SNTG2: variants seen among roughly 807,000 people sequenced by gnomAD.
SNTG2 encodes gamma-2-syntrophin.
Under a neutral mutation model 70.9 loss-of-function variants are expected in SNTG2, and 74 were observed. The observed-to-expected ratio is 1.04, with a 90% confidence interval of 0.86 to 1.27. The LOEUF (loss-of-function observed/expected upper bound fraction) is 1.27. SNTG2 is among the 50% of genes most tolerant of loss of function. The pLI is 0.00. For missense variants in SNTG2, 717 were observed against 690.7 expected (o/e 1.04, Z -0.43); for synonymous variants, 278 against 273.8 (o/e 1.02, Z -0.15).
rs1678381810 is a variant in SNTG2 at position 1,260,940 on chromosome 2, T to TC, written c.1077+1499_1077+1500insC. The stretch of plus-strand genomic sequence containing the variant: ...GTGTCTTTGAGAGATTATTGTATCT[T>TC]ACATATGTGGTTCATTAGTAAGCTA... On this transcript the variant is annotated intron_variant, in intron 13 of 16. Coordinates refer to ENST00000308624, the MANE Select transcript of SNTG2 (RefSeq NM_018968.4). Among the ~76,000 whole-genome samples, 3 of 152,186 alleles carry TC rather than the reference T, an allele frequency of 2.0e-5. No individual in the cohort carries two copies. In the South Asian group the frequency reaches 6.2e-4, roughly 31 times the overall value.
chr2:1,248,339 A>G (rs1240454325), intron 12 of SNTG2, among the ~76,000 whole-genome samples: 1 of 152,218 alleles, frequency 6.6e-6, no homozygotes, highest in Non-Finnish European at 1.5e-5. Context: ...TTACGTGGCC[A>G]TGGAGCATCT....
intron 1 of SNTG2, among the ~76,000 whole-genome samples, chr2:996,673 G>GTTTTTGTTTTTTTTTTTTTT (rs1661690738): frequency 2.8e-5 from 1 of 35,114 alleles, no homozygotes; most frequent in African/African-American, 1.3e-4. Flanking sequence ...GAGTTACCCA[G>GTTTTTGTTTTTTTTTTTTTT]TTTTTTTTTT....
At chr2:1,122,804 G>A (rs28838311) in intron 4 of SNTG2, among the ~76,000 whole-genome samples, 1 of 149,796 alleles carries the variant, frequency 6.7e-6, no homozygotes, top group South Asian at 2.1e-4. Context: ...GATTCTATTT[G>A]TAAAAACCCC....
intron 6 of SNTG2, among the ~76,000 whole-genome samples, chr2:1,143,162 C>T (rs1016485581): frequency 6.6e-6 from 1 of 151,894 alleles, no homozygotes; most frequent in African/African-American, 2.4e-5. Flanking sequence ...CTCATTCCCA[C>T]TCTTTGCCCA....
At chr2:1,165,683 T>C (rs761826372) in intron 7 of SNTG2, 48 bp downstream of exon 7, 1 of 1,477,864 alleles carries the variant, frequency 6.8e-7, no homozygotes, top group Non-Finnish European at 9.4e-7. Flanking sequence ...AATTCCTTTC[T>C]TGCCACATTA....
At chr2:1,087,794 C>T (rs1263868648) in intron 2 of SNTG2, among the ~76,000 whole-genome samples, 1 of 152,144 alleles carries the variant, frequency 6.6e-6, no homozygotes, top group African/African-American at 2.4e-5. Flanking sequence ...TGTATTGCTT[C>T]TATAACAACC....
Position 1,097,252 on chromosome 2 carries a change from C to T in SNTG2, c.211-944C>T, listed in dbSNP as rs1038637159. ...AGCCTCCCTGCATCTGCACCTGCAC[C>T]GCTGGCCGGGGCGGGAGCTCCCAGG... On this transcript the variant is annotated intron_variant, in intron 2 of 16. Transcript: ENST00000308624. This position sits in a 1 kb window ranked among gnomAD's most constrained non-coding sequence, Gnocchi z 4.1. Among the ~76,000 whole-genome samples the T allele has an allele frequency of 6.6e-6, 1 of 152,206 alleles. No homozygotes were observed. Among genetic ancestry groups the T allele is most frequent in the Non-Finnish European group, 1.5e-5 (1 of 68,044 alleles).
intron 9 of SNTG2, among the ~76,000 whole-genome samples, chr2:1,217,743 C>G (rs768262265): frequency 2.9e-4 from 44 of 152,132 alleles, no homozygotes; most frequent in Non-Finnish European, 5.1e-4. Flanking sequence ...AGACATTTCT[C>G]TGACATCAGG....
chr2:991,372 TACACACACACACACACACAC>T (rs61002101), intron 1 of SNTG2, among the ~76,000 whole-genome samples: 1 of 140,264 alleles, frequency 7.1e-6, no homozygotes, highest in African/African-American at 2.6e-5. Flanking sequence ...TCTGTAATAT[TACACACACACACACACACAC>T]ACACACACAC....
intron 4 of SNTG2, among the ~76,000 whole-genome samples, chr2:1,133,062 A>G (rs1572522559): frequency 6.6e-6 from 1 of 152,326 alleles, no homozygotes; most frequent in Non-Finnish European, 1.5e-5. Context: ...TCTGAGGCCC[A>G]GAATTTTCAC....
In SNTG2 at chr2:1,308,619, A is replaced by G. The variant is rs1285594650; in HGVS notation, c.1377+33A>G. 5.3e-6 allele frequency: 8 copies of G among 1,512,470 alleles called. No individual in the cohort carries two copies. The African/African-American group carries it at 9.7e-5, about 18-fold the overall frequency. 93.7% of individuals were successfully genotyped at this position (1,512,470 alleles called of 1,614,324 possible). A position where few individuals can be genotyped will look rare whatever the true frequency, so the allele number is the denominator to read the frequency against. On this transcript the variant is annotated intron_variant, in intron 15 of 16. Coordinates refer to ENST00000308624, the MANE Select transcript of SNTG2 (RefSeq NM_018968.4). ...GCCAAGCAGGCATCCATGCCGCCCC[A>G]TTGCCATGTGCTTGGTTACATTCCA...
intron 6 of SNTG2, chr2:1,160,463 T>C (rs28459887): frequency 0.77 from 116,555 of 152,112 alleles, 45,712 homozygotes; most frequent in Non-Finnish European, 0.86. Context: ...GTGTGTAGAA[T>C]CATGTGTTGT....
At chr2:1,277,278 G>A (rs1261088641) in intron 14 of SNTG2, among the ~76,000 whole-genome samples, 3 of 152,174 alleles carry the variant, frequency 2.0e-5, no homozygotes, top group East Asian at 1.9e-4. Flanking sequence ...AGAGTAAATC[G>A]ATGAGGCAGA....
At chr2:1,265,611 T>G (rs945896981) in intron 13 of SNTG2, among the ~76,000 whole-genome samples, 2 of 152,202 alleles carry the variant, frequency 1.3e-5, no homozygotes, top group Admixed American at 6.5e-5. Flanking sequence ...AGTCGTAGCT[T>G]TTACCTCAAA....
chr2:950,967 C>G lies in SNTG2; in HGVS notation c.-30C>G. The G allele has an allele frequency of 1.7e-6, 2 of 1,193,332 alleles. No homozygotes were observed. Among genetic ancestry groups the G allele is most frequent in the African/African-American group, 1.6e-5 (1 of 63,152 alleles). 73.9% of individuals were successfully genotyped at this position (1,193,332 alleles called of 1,614,324 possible). Reference sequence around the variant, plus strand: ...GTCCTGGCGTTGAGCTCGGCCGGCCCGGAGCGCGGACCCAGCCGCAGGGGC... The same window carrying G: ...GTCCTGGCGTTGAGCTCGGCCGGCCGGGAGCGCGGACCCAGCCGCAGGGGC... On this transcript the variant is annotated 5_prime_UTR_variant, in exon 1 of 17. Transcript: ENST00000308624.
At chr2:1,254,576 A>G (rs1015032884) in intron 12 of SNTG2, among the ~76,000 whole-genome samples, 8 of 152,360 alleles carry the variant, frequency 5.3e-5, no homozygotes, top group Non-Finnish European at 1.0e-4. Context: ...TTACTTGGAA[A>G]AAATAATTCA....
chr2:1,127,454 C>T (rs4432486), intron 4 of SNTG2, among the ~76,000 whole-genome samples: 90,412 of 151,998 alleles, frequency 0.59, 27,610 homozygotes, highest in East Asian at 0.72. Context: ...TGTAGTTCTG[C>T]GCAAATTTTA....
chr2:1,116,156 G>A (rs1044979059), intron 4 of SNTG2, among the ~76,000 whole-genome samples: 3 of 152,324 alleles, frequency 2.0e-5, no homozygotes, highest in Admixed American at 6.5e-5. Context: ...CAGAGCTTAG[G>A]GTGCTTGTGA....
At chr2:1,262,129 C>G (rs1488315304) in intron 13 of SNTG2, among the ~76,000 whole-genome samples, 1 of 152,106 alleles carries the variant, frequency 6.6e-6, no homozygotes, top group African/African-American at 2.4e-5. Context: ...GCAAGAAGAC[C>G]TTATTCAAGT....
Sources: allele counts gnomAD v4.1 joint callset (sites outside exome capture counted in the v4.1 genomes callset), GRCh38; gene constraint gnomAD v4.1.1; non-coding constraint Gnocchi (gnomAD v3.1); transcripts MANE v1.5; gene names NCBI Gene and HGNC (gene_info 2026-07-23, HGNC 2026-07-21).